Variants in PCDHGA1 observed in about 807,000 individuals in gnomAD.
PCDHGA1 encodes protocadherin gamma subfamily A, 1, also known as protocadherin gamma-A1.
A neutral mutation model predicts 58.0 loss-of-function variants in PCDHGA1; 32 were observed. The ratio of observed to expected loss-of-function variants is 0.55; its 90% CI spans 0.42 to 0.74. PCDHGA1 has a LOEUF of 0.74. Among genes scored for constraint, PCDHGA1 ranks in the 30% least tolerant of loss-of-function variants. The pLI is 0.00. For synonymous variants in PCDHGA1, 498 were observed against 501.1 expected (o/e 0.99, Z 0.08); for missense variants, 1,205 against 1,182.3 (o/e 1.02, Z -0.28).
In PCDHGA1 at chr5:141,432,071, A is replaced by G; in HGVS notation, c.2422-62736A>G. On this transcript the variant is annotated intron_variant, in intron 1 of 3. Transcript: ENST00000517417. The surrounding 1 kb of genome is among the most constrained non-coding windows in gnomAD (Gnocchi z 6.0). ...CCCGCCCCTATCCACGGAAACTCAT[A>G]TCTCGCTGAACGTGGCAGACACCAA... is the stretch of plus-strand genomic sequence containing the variant. 2 of 1,614,158 alleles carry G rather than the reference A, an allele frequency of 1.2e-6. No individual in the cohort carries two copies. The highest frequency in any genetic ancestry group is 1.7e-6 in the Non-Finnish European group (2 of 1,180,032).
rs1055042563 is a variant in PCDHGA1, at chr5:141,512,805, C to G, written c.*1632C>G. On this transcript the variant is annotated 3_prime_UTR_variant, in exon 4 of 4. Coordinates refer to ENST00000517417, the MANE Select transcript of PCDHGA1 (RefSeq NM_018912.3). ...TGTTGTGTTTTGTGCTGTGTCCACG[C>G]GCTAAGGCGACCCCCTCCCCCGTAC... 3.0e-4 allele frequency: 46 copies of G among 152,378 alleles called. No individual in the cohort carries two copies. Among genetic ancestry groups the G allele is most frequent in the African/African-American group, 9.9e-4 (41 of 41,570 alleles). The allele number at this position is 152,378 out of a possible 1,614,324, so 9.4% of individuals were successfully genotyped here.
chr5:141,372,034 G>A (rs1308858640), intron 1 of PCDHGA1: 10 of 1,613,358 alleles, frequency 6.2e-6, no homozygotes, highest in Non-Finnish European at 8.5e-6. Context: ...GCCAACGTGA[G>A]CCTGCGCGTG....
At chr5:141,364,937 GAGAA>G (rs746946812) in intron 1 of PCDHGA1, 1 of 1,613,948 alleles carries the variant, frequency 6.2e-7, no homozygotes. Context: ...CCTAGACCGC[GAGAA>G]AGAGACTGTT....
At position 141,489,318 on chromosome 5, in the gene PCDHGA1, G is replaced by T; in HGVS notation, c.2422-5489G>T. On this transcript the variant is annotated intron_variant, in intron 1 of 3. Coordinates refer to ENST00000517417, the MANE Select transcript of PCDHGA1 (RefSeq NM_018912.3). The surrounding 1 kb of genome is among the most constrained non-coding windows in gnomAD (Gnocchi z 4.5). ...TGTTGTCCTTGTGCTGCTGGGGCTG[G>T]GTGTCTGGGCAGCTTCGTTACTCAG... The T allele has an allele frequency of 6.3e-7, 1 of 1,599,092 alleles. No homozygotes were observed. Among genetic ancestry groups the T allele is most frequent in the Non-Finnish European group, 8.5e-7 (1 of 1,171,660 alleles).
At chr5:141,345,602 G>C (rs1205732203) in intron 1 of PCDHGA1, 1 of 1,614,174 alleles carries the variant, frequency 6.2e-7, no homozygotes, top group Admixed American at 1.7e-5. Flanking sequence ...TCGACTACGA[G>C]CAATTTAGAG....
At position 141,485,939 on chromosome 5, in the gene PCDHGA1, C is replaced by A; in HGVS notation, c.2422-8868C>A. ...CAGGATTAGTGTGTTGGAGAGCGCA[C>A]CAGCGGGCATGGTGCTCATCCAGCT... On this transcript the variant is annotated intron_variant, in intron 1 of 3. Transcript: ENST00000517417. This position sits in a 1 kb window ranked among gnomAD's most constrained non-coding sequence, Gnocchi z 5.7. 1 of 1,614,140 alleles carries A rather than the reference C, an allele frequency of 6.2e-7. No homozygotes were observed. The highest frequency in any genetic ancestry group is 8.5e-7 in the Non-Finnish European group (1 of 1,180,030).
At chr5:141,433,257 G>C (rs764036349) in intron 1 of PCDHGA1, 3 of 1,385,416 alleles carry the variant, frequency 2.2e-6, no homozygotes, top group Non-Finnish European at 3.0e-6. Flanking sequence ...GCAGCGGTAC[G>C]ATCATAGCTC....
At chr5:141,461,430 A>G (rs1239117668) in intron 1 of PCDHGA1, among the ~76,000 whole-genome samples, 2 of 151,992 alleles carry the variant, frequency 1.3e-5, no homozygotes, top group African/African-American at 4.8e-5. Context: ...GGCCATTTGT[A>G]TACCTTCTTT....
chr5:141,368,426 C>T (rs998020099), intron 1 of PCDHGA1, among the ~76,000 whole-genome samples: 8 of 151,928 alleles, frequency 5.3e-5, no homozygotes, highest in African/African-American at 1.9e-4. Context: ...GACATTCTGA[C>T]CAAAATGTAA....
Position 141,489,398 on chromosome 5 carries a change from G to A in PCDHGA1, c.2422-5409G>A, listed in dbSNP as rs2099686644. On this transcript the variant is annotated intron_variant, in intron 1 of 3. Transcript: ENST00000517417. This position sits in a 1 kb window ranked among gnomAD's most constrained non-coding sequence, Gnocchi z 4.5. The stretch of plus-strand genomic sequence containing the variant: ...GTGGGGAATGTTGCTCAGGATCTGG[G>A]CTTAAAGATGACAGATCTGTTGAGC... 6.2e-7 allele frequency: 1 copy of A among 1,614,064 alleles called. No homozygotes were observed. The highest frequency in any genetic ancestry group is 1.3e-5 in the African/African-American group (1 of 74,910).
At chr5:141,437,887 G>A (rs1289693561) in intron 1 of PCDHGA1, among the ~76,000 whole-genome samples, 12 of 151,946 alleles carry the variant, frequency 7.9e-5, no homozygotes, top group Admixed American at 3.3e-4. Flanking sequence ...ACAGGCACAC[G>A]CCACCACACC....
chr5:141,455,919 A>T, intron 1 of PCDHGA1, among the ~76,000 whole-genome samples: 1 of 145,568 alleles, frequency 6.9e-6, no homozygotes, highest in Non-Finnish European at 1.5e-5. Context: ...TTATTTTGAG[A>T]CGGAGTCTCG....
chr5:141,331,582 G>T lies in PCDHGA1; in HGVS notation c.898G>T (p.Glu300Ter), dbSNP rs1335611585. The change falls in exon 1 of 4, where the codon GAA (glutamate) becomes TAA (stop). Residue 300 changes from glutamate (E) to a stop codon, truncating the protein, a stop_gained. Transcript: ENST00000517417. LOFTEE classifies it high-confidence loss of function. ...QIFRLDSYTG[E>*]ISNKEPLDFE... ...ATTTCGTTTAGATTCTTACACAGGA[G>T]AAATATCAAATAAAGAACCACTAGA... 14 of 1,614,068 alleles carry T rather than the reference G, an allele frequency of 8.7e-6. No individual in the cohort carries two copies. The South Asian group carries it at 1.4e-4, about 16-fold the overall frequency.
At position 141,400,101 on chromosome 5, in the gene PCDHGA1, G is replaced by A. The variant is rs778391200; in HGVS notation, c.2421+66996G>A. The A allele has an allele frequency of 8.1e-6, 13 of 1,613,948 alleles. No homozygotes were observed. The East Asian group carries it at 2.9e-4, about 36-fold the overall frequency. ...TCTCCGCCACCGCCACGCTGCACTT[G>A]GTCTTTGCTGACAGCTTGCAGGAGG... On this transcript the variant is annotated intron_variant, in intron 1 of 3. Coordinates refer to ENST00000517417, the MANE Select transcript of PCDHGA1 (RefSeq NM_018912.3).
rs143252334 is a variant in PCDHGA1 at position 141,431,395 on chromosome 5, T to A, written c.2422-63412T>A. On this transcript the variant is annotated intron_variant, in intron 1 of 3. Transcript: ENST00000517417. The surrounding 1 kb of genome is among the most constrained non-coding windows in gnomAD (Gnocchi z 4.8). ...AAAAGGCTGCTCACCACCTGGTCCT[T>A]ACGGCCTCCGACGGGGGCGACCCGG... 2 of 1,613,720 alleles carry A rather than the reference T, an allele frequency of 1.2e-6. No individual in the cohort carries two copies. Among genetic ancestry groups the A allele is most frequent in the African/African-American group, 2.7e-5 (2 of 74,950 alleles).
chr5:141,489,999 G>C lies in PCDHGA1; in HGVS notation c.2422-4808G>C, dbSNP rs772783990. Reference sequence around the variant, plus strand: ...CAGTTCTACGTGTGGGAATCCCAGAGAATGCACCCATTGGTACTCTGCTGC... The same window carrying C: ...CAGTTCTACGTGTGGGAATCCCAGACAATGCACCCATTGGTACTCTGCTGC... On this transcript the variant is annotated intron_variant, in intron 1 of 3. Coordinates refer to ENST00000517417, the MANE Select transcript of PCDHGA1 (RefSeq NM_018912.3). This position sits in a 1 kb window ranked among gnomAD's most constrained non-coding sequence, Gnocchi z 4.5. 6.2e-7 allele frequency: 1 copy of C among 1,614,242 alleles called. No individual in the cohort carries two copies. Among genetic ancestry groups the C allele is most frequent in the East Asian group, 2.2e-5 (1 of 44,886 alleles).
chr5:141,418,969 A>C, intron 1 of PCDHGA1: 1 of 1,614,028 alleles, frequency 6.2e-7, no homozygotes, highest in Non-Finnish European at 8.5e-7. Flanking sequence ...CCCTCTTCAA[A>C]ACACGGGACC....
At chr5:141,403,172 C>G (rs1230059414) in intron 1 of PCDHGA1, 13 of 1,613,900 alleles carry the variant, frequency 8.1e-6, no homozygotes, top group Non-Finnish European at 1.1e-5. Flanking sequence ...TAGGACGCAG[C>G]TTTTCTCTCT....
chr5:141,372,040 G>T, intron 1 of PCDHGA1: 1 of 1,613,472 alleles, frequency 6.2e-7, no homozygotes, highest in Non-Finnish European at 8.5e-7. Flanking sequence ...GTGAGCCTGC[G>T]CGTGTTGGTG....
Sources: gnomAD v4.1 joint callset for allele counts (sites outside exome capture counted in the v4.1 genomes callset) on GRCh38, gnomAD v4.1.1 for gene constraint, Gnocchi (gnomAD v3.1) non-coding constraint, MANE v1.5 for transcripts, NCBI Gene and HGNC (gene_info 2026-07-23, HGNC 2026-07-21) for gene names.